The following GPHN variants were observed in gnomAD, a reference collection of about 807,000 sequenced individuals.
The protein encoded by GPHN is gephyrin.
Under a neutral mutation model 95.5 loss-of-function variants are expected in GPHN, and 17 were observed. The ratio of observed to expected loss-of-function variants is 0.18; its 90% confidence interval spans 0.12 to 0.27. The LOEUF (loss-of-function observed/expected upper bound fraction) is 0.27, where lower values mean the gene tolerates loss of function less well. Among genes scored for constraint, GPHN ranks in the 10% least tolerant of loss-of-function variants. GPHN has a pLI of 1.00. For synonymous variants in GPHN, 320 were observed against 322.5 expected, an observed-to-expected ratio of 0.99 and a Z score of 0.08; for missense variants, 660 against 978.1, an observed-to-expected ratio of 0.67 and a Z score of 4.34.
intron 1 of GPHN, among the ~76,000 whole-genome samples, chr14:66,647,322 C>A (rs1009742891): frequency 6.6e-6 from 1 of 150,476 alleles, no homozygotes; most frequent in Admixed American, 6.7e-5. Flanking sequence ...AATTTAAAAT[C>A]CTTTTAAAAA....
the GPHN span, among the ~76,000 whole-genome samples, chr14:67,697,079 T>C: frequency 4.6e-5 from 7 of 152,210 alleles, no homozygotes; most frequent in African/African-American, 1.7e-4. Flanking sequence ...CATTCACGCA[T>C]TTGACAAACA....
At chr14:67,301,338 A>C in the GPHN span, 1 of 1,233,074 alleles carries the variant, frequency 8.1e-7, no homozygotes. Flanking sequence ...TACAGGTGCT[A>C]CTGATACTTC....
the GPHN span, among the ~76,000 whole-genome samples, chr14:67,253,224 A>G: frequency 2.6e-5 from 4 of 152,232 alleles, no homozygotes; most frequent in African/African-American, 9.6e-5. Context: ...TTGAGATGGT[A>G]CATCAAGAAT....
At chr14:66,880,286 CT>C (rs967931208) in intron 5 of GPHN, among the ~76,000 whole-genome samples, 3 of 151,794 alleles carry the variant, frequency 2.0e-5, no homozygotes, top group East Asian at 1.9e-4. Context: ...AAGTTTGCCC[CT>C]TTTTTTTCCA....
intron 3 of GPHN, among the ~76,000 whole-genome samples, chr14:66,777,007 G>A (rs1258423677): frequency 6.6e-6 from 1 of 151,306 alleles, no homozygotes; most frequent in Non-Finnish European, 1.5e-5. Context: ...ATCTAGCTTA[G>A]GTATATCTCC....
the GPHN span, among the ~76,000 whole-genome samples, chr14:67,268,668 C>T: frequency 0.051 from 7,692 of 152,232 alleles, 213 homozygotes; most frequent in East Asian, 0.06. Flanking sequence ...AGCATGCTAA[C>T]GCATTATAAT....
At chr14:67,198,223 C>A in the GPHN span, 2 of 1,613,772 alleles carry the variant, frequency 1.2e-6, no homozygotes, top group Admixed American at 1.7e-5. Context: ...CTCTGCACCC[C>A]ACACTCCCAT....
chr14:67,643,552 A>G, the GPHN span, among the ~76,000 whole-genome samples: 145 of 152,338 alleles, frequency 9.5e-4, no homozygotes, highest in African/African-American at 3.3e-3. Context: ...AGGTGGGCAC[A>G]GTGGTGCATG....
At chr14:67,344,654 G>C in the GPHN span, among the ~76,000 whole-genome samples, 1 of 151,916 alleles carries the variant, frequency 6.6e-6, no homozygotes, top group Non-Finnish European at 1.5e-5. Flanking sequence ...TGAGATGGCA[G>C]GATTTCTTGA....
chr14:67,010,038 C>T (rs903159322), intron 9 of GPHN, among the ~76,000 whole-genome samples: 18 of 151,770 alleles, frequency 1.2e-4, no homozygotes, highest in Non-Finnish European at 8.8e-5. Flanking sequence ...GGATTACAGA[C>T]GTGAGCCACC....
the GPHN span, chr14:67,224,497 T>A: frequency 5.9e-6 from 1 of 170,194 alleles, no homozygotes; most frequent in African/African-American, 2.4e-5. Flanking sequence ...CCTGACCTCA[T>A]GATCCGCCCA....
the GPHN span, among the ~76,000 whole-genome samples, chr14:67,437,063 C>A: frequency 6.6e-6 from 1 of 152,212 alleles, no homozygotes; most frequent in South Asian, 2.1e-4. Context: ...CTCAAAAAAA[C>A]AAACAAACAA....
At chr14:66,909,966 T>C in intron 5 of GPHN, among the ~76,000 whole-genome samples, 1 of 151,956 alleles carries the variant, frequency 6.6e-6, no homozygotes, top group Non-Finnish European at 1.5e-5. Context: ...AAATTTCATA[T>C]TTACTGTTTA....
At chr14:67,255,618 T>G in the GPHN span, among the ~76,000 whole-genome samples, 2 of 152,240 alleles carry the variant, frequency 1.3e-5, no homozygotes, top group African/African-American at 4.8e-5. Context: ...GCTTGAGAGA[T>G]AACACTTCGA....
At chr14:66,625,159 G>A (rs535822462) in intron 1 of GPHN, among the ~76,000 whole-genome samples, 2 of 152,016 alleles carry the variant, frequency 1.3e-5, no homozygotes, top group African/African-American at 4.8e-5. Flanking sequence ...GGTCACTATA[G>A]CCTTGACCTC....
intron 2 of GPHN, among the ~76,000 whole-genome samples, chr14:66,735,041 T>C (rs2072132476): frequency 6.6e-6 from 1 of 152,162 alleles, no homozygotes. Context: ...GGAGATCTGG[T>C]ATAGAAATTG....
At chr14:66,907,855 C>A (rs533630183) in intron 5 of GPHN, among the ~76,000 whole-genome samples, 2 of 151,950 alleles carry the variant, frequency 1.3e-5, no homozygotes, top group Non-Finnish European at 2.9e-5. Flanking sequence ...GGTAGTGAGA[C>A]AGGTTTCTCA....
the GPHN span, among the ~76,000 whole-genome samples, chr14:67,366,705 C>T: frequency 2.6e-5 from 4 of 152,100 alleles, no homozygotes; most frequent in Non-Finnish European, 4.4e-5. Context: ...GAATTATGTC[C>T]TCCTAGACAA....
At chr14:67,390,523 A>C in the GPHN span, 1 of 710,190 alleles carries the variant, frequency 1.4e-6, no homozygotes, top group Non-Finnish European at 2.6e-6. Flanking sequence ...GGACTGTGGA[A>C]GGAAAGGCAT....
Sources: allele counts gnomAD v4.1 joint callset (sites outside exome capture counted in the v4.1 genomes callset), GRCh38; gene constraint gnomAD v4.1.1; transcripts MANE v1.5; gene names NCBI Gene and HGNC (gene_info 2026-07-23, HGNC 2026-07-21).